The following IL1RAPL1 variants were observed in gnomAD, a reference collection of about 807,000 sequenced individuals.
The protein encoded by IL1RAPL1 is interleukin 1 receptor accessory protein like 1.
Under a neutral mutation model 48.4 loss-of-function variants are expected in IL1RAPL1, and 3 were observed. That is an observed-to-expected ratio of 0.06 (90% CI 0.03 to 0.16). The LOEUF (loss-of-function observed/expected upper bound fraction) is 0.16. IL1RAPL1 is among the 10% of genes least tolerant of loss of function. The probability of loss-of-function intolerance (pLI) is 1.00; values close to 1 mark genes in which losing one functional copy is unlikely to be tolerated. For synonymous variants in IL1RAPL1, 185 were observed against 187.7 expected, an observed-to-expected ratio of 0.99 and a Z score of 0.12; for missense variants, 349 against 530.6, an observed-to-expected ratio of 0.66 and a Z score of 3.36.
At chrX:28,634,726 A>G (rs1225239706) in intron 1 of IL1RAPL1, among the ~76,000 whole-genome samples, 1 of 109,469 alleles carries the variant, frequency 9.1e-6, no homozygotes, top group African/African-American at 3.3e-5. Flanking sequence ...CCCTCATTTT[A>G]TCACGTTTTT....
At position 29,591,163 on chromosome X, in the gene IL1RAPL1, A is replaced by C. The variant is rs111970986; in HGVS notation, c.704-77267A>C. On this transcript the variant is annotated intron_variant, in intron 5 of 10. Coordinates refer to ENST00000378993, the MANE Select transcript of IL1RAPL1 (RefSeq NM_014271.4). ...TGTGATCACATAAAGGTGACTCTTC[A>C]CCTGCAGTTGCTAGGGAGAGGCTTG... is the stretch of plus-strand genomic sequence containing the variant. 3.7e-3 allele frequency among the ~76,000 whole-genome samples: 411 copies of C among 111,779 alleles called. 3 individuals are homozygous for C. The highest frequency in any genetic ancestry group is 0.012 in the African/African-American group (381 of 30,753).
chrX:28,982,007 A>AT (rs1038613541), intron 2 of IL1RAPL1, among the ~76,000 whole-genome samples: 27 of 111,972 alleles, frequency 2.4e-4, no homozygotes, highest in African/African-American at 8.1e-4. Context: ...ATCTTAAAAT[A>AT]TACCAGTACC....
intron 5 of IL1RAPL1, among the ~76,000 whole-genome samples, chrX:29,641,479 C>A (rs1385800129): frequency 8.9e-6 from 1 of 112,480 alleles, no homozygotes; most frequent in Non-Finnish European, 1.9e-5. Flanking sequence ...AAAGCCCATG[C>A]CCACTCAAAG....
At chrX:29,209,374 G>T (rs1017515351) in intron 2 of IL1RAPL1, among the ~76,000 whole-genome samples, 65 of 111,775 alleles carry the variant, frequency 5.8e-4, no homozygotes, top group African/African-American at 2.0e-3. Context: ...CATTCTGTTA[G>T]ATATTTCATT....
chrX:29,447,961 T>G (rs1934631271), intron 5 of IL1RAPL1, among the ~76,000 whole-genome samples: 1 of 112,003 alleles, frequency 8.9e-6, no homozygotes, highest in Non-Finnish European at 1.9e-5. Context: ...AGACAAGAAA[T>G]GTTTTTGGTA....
intron 6 of IL1RAPL1, among the ~76,000 whole-genome samples, chrX:29,668,830 A>T (rs2147100213): frequency 8.9e-6 from 1 of 111,813 alleles, no homozygotes; most frequent in South Asian, 3.7e-4. Flanking sequence ...GAACAATTTG[A>T]TTTATAATAT....
At chrX:29,489,077 A>G (rs905036388) in intron 5 of IL1RAPL1, among the ~76,000 whole-genome samples, 4 of 111,695 alleles carry the variant, frequency 3.6e-5, no homozygotes, top group Non-Finnish European at 5.6e-5. Context: ...TTTGAGATTG[A>G]TAACAGGAAC....
chrX:29,466,723 C>A (rs1934866606), intron 5 of IL1RAPL1, among the ~76,000 whole-genome samples: 1 of 112,083 alleles, frequency 8.9e-6, no homozygotes, highest in Admixed American at 9.5e-5. Context: ...AGTTACACAG[C>A]AGTTGCTGGC....
chrX:29,730,595 G>C (rs772309350), intron 6 of IL1RAPL1, among the ~76,000 whole-genome samples: 2 of 111,471 alleles, frequency 1.8e-5, no homozygotes, highest in East Asian at 2.9e-4. Flanking sequence ...TCTTGTTTCA[G>C]TGATGATGCT....
chrX:29,013,228 A>G (rs1926165744), intron 2 of IL1RAPL1, among the ~76,000 whole-genome samples: 1 of 111,198 alleles, frequency 9.0e-6, no homozygotes, highest in African/African-American at 3.3e-5. Context: ...GATGCTAGCA[A>G]GGTTATGGAA....
intron 1 of IL1RAPL1, among the ~76,000 whole-genome samples, chrX:28,742,379 A>G (rs183111214): frequency 1.2e-3 from 131 of 111,866 alleles, no homozygotes; most frequent in African/African-American, 3.9e-3. Flanking sequence ...ATGGATTTTG[A>G]GTACCTGCAT....
chrX:28,685,738 T>C (rs1420418313), intron 1 of IL1RAPL1, among the ~76,000 whole-genome samples: 2 of 112,016 alleles, frequency 1.8e-5, no homozygotes, highest in East Asian at 5.6e-4. Flanking sequence ...TCATGAAATG[T>C]GGTCATTTAG....
At chrX:29,254,099 C>T (rs1363581562) in intron 2 of IL1RAPL1, among the ~76,000 whole-genome samples, 1 of 110,959 alleles carries the variant, frequency 9.0e-6, no homozygotes, top group African/African-American at 3.3e-5. Flanking sequence ...AGAGCTAGAT[C>T]TATGTGTATT....
chrX:29,299,093 C>G lies in IL1RAPL1; in HGVS notation c.362+15876C>G, dbSNP rs961198964. Among the ~76,000 whole-genome samples the G allele has an allele frequency of 3.6e-5, 4 of 110,334 alleles. No individual in the cohort carries two copies. The South Asian group carries it at 1.6e-3, about 43-fold the overall frequency. ...AAACACGTGAAAGGACTAGACTGGC[C>G]TAGCCTCCCAGCCTACATCTTTCTC... On this transcript the variant is annotated intron_variant, in intron 3 of 10. Coordinates refer to ENST00000378993, the MANE Select transcript of IL1RAPL1 (RefSeq NM_014271.4).
intron 6 of IL1RAPL1, among the ~76,000 whole-genome samples, chrX:29,678,450 G>A: frequency 1.0e-5 from 1 of 100,435 alleles, no homozygotes; most frequent in Non-Finnish European, 2.0e-5. Flanking sequence ...CGCCTCCCGG[G>A]TTCACGCCAT....
chrX:29,266,349 A>G (rs970158305), intron 2 of IL1RAPL1, among the ~76,000 whole-genome samples: 3 of 112,129 alleles, frequency 2.7e-5, no homozygotes, highest in Admixed American at 1.9e-4. Flanking sequence ...ATGAAGCATA[A>G]TAGATACCAA....
chrX:29,385,318 G>A (rs1238323802), intron 3 of IL1RAPL1, among the ~76,000 whole-genome samples: 1 of 112,281 alleles, frequency 8.9e-6, no homozygotes, highest in African/African-American at 3.2e-5. Context: ...GCCGGGCATG[G>A]TGGCACATGC....
intron 3 of IL1RAPL1, among the ~76,000 whole-genome samples, chrX:29,335,128 C>G (rs1300465033): frequency 1.8e-5 from 2 of 111,265 alleles, no homozygotes; most frequent in Non-Finnish European, 3.8e-5. Flanking sequence ...AAAACGAAAA[C>G]CAGTCAGGCG....
chrX:29,868,432 G>A (rs751119380), intron 6 of IL1RAPL1, among the ~76,000 whole-genome samples: 1 of 111,742 alleles, frequency 8.9e-6, no homozygotes, highest in Non-Finnish European at 1.9e-5. Context: ...ACACTGTGAG[G>A]CACCCAGCAG....
Sources: allele counts gnomAD v4.1 joint callset (sites outside exome capture counted in the v4.1 genomes callset), GRCh38; gene constraint gnomAD v4.1.1; transcripts MANE v1.5; gene names NCBI Gene and HGNC (gene_info 2026-07-23, HGNC 2026-07-21).